The following USP46 variants were observed in gnomAD, a reference collection of about 807,000 sequenced individuals.
The protein encoded by USP46 is ubiquitin specific peptidase 46, also known as ubiquitin carboxyl-terminal hydrolase 46.
A neutral mutation model predicts 44.4 loss-of-function variants in USP46; 12 were observed. That is an observed-to-expected ratio of 0.27 (90% CI 0.17 to 0.44). USP46 has a LOEUF of 0.44. Ranked by LOEUF, USP46 falls within the 20% of genes least tolerant of loss-of-function variation. The pLI, the probability that USP46 is intolerant of heterozygous loss-of-function variation, is 1.00. For missense variants in USP46, 248 were observed against 444.8 expected (o/e 0.56, Z 3.98); for synonymous variants, 155 against 161.5 (o/e 0.96, Z 0.31).
chr4:52,603,358 G>GT (rs1218709270), intron 6 of USP46, among the ~76,000 whole-genome samples: 1 of 152,220 alleles, frequency 6.6e-6, no homozygotes, highest in Admixed American at 6.5e-5. Flanking sequence ...CTAACCATCT[G>GT]TAAGTTTTGC....
chr4:52,644,913 C>T (rs1459435451), intron 1 of USP46, among the ~76,000 whole-genome samples: 2 of 151,954 alleles, frequency 1.3e-5, no homozygotes, highest in Admixed American at 6.6e-5. Context: ...AAAAATTAGC[C>T]GGGCGTGGTG....
chr4:52,655,022 G>C (rs1016212174), intron 1 of USP46, among the ~76,000 whole-genome samples: 2 of 152,196 alleles, frequency 1.3e-5, no homozygotes, highest in African/African-American at 2.4e-5. Flanking sequence ...ACACCCAATG[G>C]TGCAGATTTC....
At chr4:52,606,558 T>C (rs912670857) in intron 5 of USP46, among the ~76,000 whole-genome samples, 7 of 152,054 alleles carry the variant, frequency 4.6e-5, no homozygotes, top group African/African-American at 1.7e-4. Flanking sequence ...GAGAATAGTA[T>C]GGGAAAAACT....
At chr4:52,634,061 G>A (rs545784555) in intron 1 of USP46, among the ~76,000 whole-genome samples, 32 of 152,244 alleles carry the variant, frequency 2.1e-4, no homozygotes, top group Admixed American at 7.8e-4. Context: ...GATCCTTGGC[G>A]CTGCTTCTAG....
At chr4:52,651,451 AG>A (rs1718768762) in intron 1 of USP46, among the ~76,000 whole-genome samples, 9 of 152,224 alleles carry the variant, frequency 5.9e-5, no homozygotes, top group Admixed American at 5.9e-4. Flanking sequence ...GGTACACCAA[AG>A]AACCTAAAAC....
intron 2 of USP46, among the ~76,000 whole-genome samples, chr4:52,630,752 A>G (rs867057524): frequency 1.8e-3 from 278 of 150,466 alleles, no homozygotes; most frequent in African/African-American, 5.3e-3. Context: ...AAAAAAAAAA[A>G]AAAGAAAAAA....
chr4:52,641,013 G>C (rs1000639188), intron 1 of USP46, among the ~76,000 whole-genome samples: 2 of 151,580 alleles, frequency 1.3e-5, no homozygotes, highest in Admixed American at 1.3e-4. Context: ...AGGCTGGGCT[G>C]TTGATATCCA....
At chr4:52,612,474 C>T (rs1716972135) in intron 4 of USP46, among the ~76,000 whole-genome samples, 1 of 152,194 alleles carries the variant, frequency 6.6e-6, no homozygotes, top group South Asian at 2.1e-4. Context: ...TGAGTGTGAC[C>T]ATGTGACTTG....
chr4:52,629,255 C>A (rs926699307), intron 2 of USP46, among the ~76,000 whole-genome samples: 3 of 152,138 alleles, frequency 2.0e-5, no homozygotes, highest in Non-Finnish European at 4.4e-5. Context: ...ATATTTTAAT[C>A]TACTTTGACA....
chr4:52,621,661 C>T (rs1415503991), intron 4 of USP46, among the ~76,000 whole-genome samples: 1 of 149,744 alleles, frequency 6.7e-6, no homozygotes, highest in East Asian at 1.9e-4. Context: ...GTCTCACACA[C>T]ATAAAAAAAA....
chr4:52,636,101 T>C (rs1231387988), intron 1 of USP46, among the ~76,000 whole-genome samples: 5 of 152,166 alleles, frequency 3.3e-5, no homozygotes, highest in East Asian at 1.9e-4. Context: ...AATAGGGAGA[T>C]TGTCCTGGAT....
In USP46 at chr4:52,659,042, T is replaced by C; in HGVS notation, c.36+73A>G. ...CCCGCCGCCCCAGCCACCGGGCGTG[T>C]GTGCAGCTCGGGCTTCCCTTTCTTT... is the stretch of plus-strand genomic sequence containing the variant. On this transcript the variant is annotated intron_variant, in intron 1 of 8. Transcript: ENST00000441222. The surrounding 1 kb of genome is among the most constrained non-coding windows in gnomAD (Gnocchi z 4.2). 5 of 1,484,846 alleles carry C rather than the reference T, an allele frequency of 3.4e-6. No individual in the cohort carries two copies. Among genetic ancestry groups the C allele is most frequent in the Non-Finnish European group, 4.5e-6 (5 of 1,113,184 alleles). 92.0% of individuals were successfully genotyped at this position (1,484,846 alleles called of 1,614,324 possible). A position where few individuals can be genotyped will look rare whatever the true frequency, so the allele number is the denominator to read the frequency against.
intron 4 of USP46, among the ~76,000 whole-genome samples, chr4:52,621,337 T>C (rs150914303): frequency 1.7e-3 from 262 of 152,226 alleles, no homozygotes; most frequent in Middle Eastern, 6.8e-3. Context: ...ATTACAAAAA[T>C]ACAAAGTGGG....
rs148700144 is a variant in USP46 at position 52,595,718 on chromosome 4, T to C, written c.*1922A>G. 3.9e-5 allele frequency: 6 copies of C among 152,348 alleles called. No individual in the cohort carries two copies. The East Asian group carries it at 1.2e-3, about 29-fold the overall frequency. 9.4% of individuals were successfully genotyped at this position (152,348 alleles called of 1,614,324 possible). A position where few individuals can be genotyped will look rare whatever the true frequency, so the allele number is the denominator to read the frequency against. Reference sequence around the variant, plus strand: ...GTTTCAAAGATAATTTTAATAACTTTTCTTATGAATCAGTTCCAAATATAT... The same window carrying C: ...GTTTCAAAGATAATTTTAATAACTTCTCTTATGAATCAGTTCCAAATATAT... On this transcript the variant is annotated 3_prime_UTR_variant, in exon 9 of 9. Transcript: ENST00000441222.
chr4:52,625,718 G>A (rs1306191945), intron 4 of USP46, among the ~76,000 whole-genome samples: 1 of 152,098 alleles, frequency 6.6e-6, no homozygotes, highest in Non-Finnish European at 1.5e-5. Context: ...TCTTTGCAAG[G>A]TAACTGGTTG....
intron 3 of USP46, 102 bp downstream of exon 3, chr4:52,627,848 T>C (rs1717652332): frequency 1.6e-6 from 2 of 1,287,232 alleles, no homozygotes; most frequent in African/African-American, 1.5e-5. Flanking sequence ...ATGCTTATTT[T>C]CCCTTTTCAA....
rs1480909256 is a variant in USP46, at chr4:52,593,411, C to T, written c.*4229G>A. On this transcript the variant is annotated 3_prime_UTR_variant, in exon 9 of 9. Coordinates refer to ENST00000441222, the MANE Select transcript of USP46 (RefSeq NM_022832.4). ...TGCACTGCCCCGAGAAGATGGACAG[C>T]AGCTGGGAGACTCAACACTTACTGG... 1 of 153,278 alleles carries T rather than the reference C, an allele frequency of 6.5e-6. No homozygotes were observed. The highest frequency in any genetic ancestry group is 1.9e-4 in the East Asian group (1 of 5,254). The allele number at this position is 153,278 out of a possible 1,614,324, so 9.5% of individuals were successfully genotyped here.
intron 5 of USP46, among the ~76,000 whole-genome samples, chr4:52,606,089 T>G (rs1430604259): frequency 1.3e-5 from 2 of 152,214 alleles, no homozygotes; most frequent in Non-Finnish European, 2.9e-5. Context: ...ATGTGGGCAG[T>G]GCACTTGTCA....
intron 1 of USP46, among the ~76,000 whole-genome samples, chr4:52,646,982 G>A (rs1718569960): frequency 6.6e-6 from 1 of 152,198 alleles, no homozygotes. Flanking sequence ...TCCATTTTTA[G>A]GAAGTCGGTC....
Sources: allele counts gnomAD v4.1 joint callset (sites outside exome capture counted in the v4.1 genomes callset), GRCh38; gene constraint gnomAD v4.1.1; non-coding constraint Gnocchi (gnomAD v3.1); transcripts MANE v1.5; gene names NCBI Gene and HGNC (gene_info 2026-07-23, HGNC 2026-07-21).